ALPK1: variants seen among roughly 807,000 people sequenced by gnomAD.
ALPK1 encodes the protein alpha kinase 1, also known as alpha-protein kinase 1.
Under a neutral mutation model 120.6 loss-of-function variants are expected in ALPK1, and 110 were observed. The ratio of observed to expected loss-of-function variants is 0.91; its 90% CI spans 0.78 to 1.07. ALPK1 has a LOEUF of 1.07. Ranked by LOEUF, ALPK1 falls within the 50% of genes least tolerant of loss-of-function variation. The pLI is 0.00. For synonymous variants in ALPK1, 582 were observed against 560.3 expected (o/e 1.04, Z -0.55); for missense variants, 1,498 against 1,483.9 (o/e 1.01, Z -0.16).
intron 10 of ALPK1, among the ~76,000 whole-genome samples, 198 bp downstream of exon 10, chr4:112,429,451 A>G (rs764579143): frequency 2.0e-5 from 3 of 152,206 alleles, no homozygotes; most frequent in African/African-American, 7.2e-5. Context: ...AGCTAAATTA[A>G]TTCAGCCCAA....
In ALPK1 at chr4:112,401,510, G is replaced by A. The variant is rs190630235; in HGVS notation, c.277-10317G>A. Among the ~76,000 whole-genome samples, 269 of 152,244 alleles carry A rather than the reference G, an allele frequency of 1.8e-3. 1 individual carries two copies. Among genetic ancestry groups the A allele is most frequent in the Non-Finnish European group, 3.0e-3 (205 of 68,018 alleles). On this transcript the variant is annotated intron_variant, in intron 4 of 15. Transcript: ENST00000650871. ...CCATGAGAGTAGGTGACTAAGGTGG[G>A]GTGTAGAAGAAGATAGTTGGAGAGA... is the stretch of plus-strand genomic sequence containing the variant.
chr4:112,384,837 T>C (rs1211120100), intron 4 of ALPK1: 3 of 151,358 alleles, frequency 2.0e-5, no homozygotes, highest in Admixed American at 6.6e-5. Flanking sequence ...ACCAATCCAA[T>C]AAAAAAAAAT....
chr4:112,374,298 C>T (rs770315802), intron 2 of ALPK1, among the ~76,000 whole-genome samples: 1 of 152,194 alleles, frequency 6.6e-6, no homozygotes, highest in South Asian at 2.1e-4. Context: ...TAAGGAGCAA[C>T]GTCCCATTCA....
intron 3 of ALPK1, among the ~76,000 whole-genome samples, 161 bp downstream of exon 3, chr4:112,378,059 G>A (rs1355449790): frequency 3.3e-5 from 5 of 151,582 alleles, no homozygotes; most frequent in Admixed American, 2.0e-4. Context: ...CATGGGCTGC[G>A]GGCGGACGGG....
At chr4:112,410,586 A>C (rs933523082) in intron 4 of ALPK1, among the ~76,000 whole-genome samples, 14 of 152,364 alleles carry the variant, frequency 9.2e-5, no homozygotes, top group African/African-American at 3.4e-4. Flanking sequence ...GGCTTCATGC[A>C]TGAATAAACA....
intron 4 of ALPK1, among the ~76,000 whole-genome samples, chr4:112,390,401 G>T (rs1440584984): frequency 2.0e-5 from 3 of 152,136 alleles, no homozygotes; most frequent in Admixed American, 6.5e-5. Context: ...TGGCTATAAG[G>T]TATCACCTTT....
chr4:112,414,003 A>C (rs1033052350), intron 5 of ALPK1, among the ~76,000 whole-genome samples: 9 of 152,128 alleles, frequency 5.9e-5, no homozygotes, highest in Middle Eastern at 3.4e-3. Flanking sequence ...CGTCTACCCC[A>C]AAACATCTGG....
At chr4:112,356,193 G>A in intron 2 of ALPK1, 5 of 1,606,772 alleles carry the variant, frequency 3.1e-6, no homozygotes, top group Admixed American at 1.7e-5. Flanking sequence ...CCCTACAAAT[G>A]CCAACAGGAG....
intron 4 of ALPK1, among the ~76,000 whole-genome samples, chr4:112,411,420 T>A (rs1238693941): frequency 6.6e-6 from 1 of 152,140 alleles, no homozygotes; most frequent in Admixed American, 6.5e-5. Context: ...AGATGGGGTT[T>A]CACCATGTTG....
intron 2 of ALPK1, among the ~76,000 whole-genome samples, chr4:112,332,368 A>G (rs1729421409): frequency 6.6e-6 from 1 of 152,224 alleles, no homozygotes; most frequent in Non-Finnish European, 1.5e-5. Context: ...ATATCTCAAT[A>G]TACTCCAGAT....
intron 5 of ALPK1, among the ~76,000 whole-genome samples, chr4:112,415,800 T>TC (rs1733722488): frequency 6.6e-6 from 1 of 152,116 alleles, no homozygotes; most frequent in African/African-American, 2.4e-5. Flanking sequence ...CAGAACACCC[T>TC]CCCGGTTGGT....
At chr4:112,314,829 A>T (rs1302692830) in intron 1 of ALPK1, among the ~76,000 whole-genome samples, 1 of 149,740 alleles carries the variant, frequency 6.7e-6, no homozygotes, top group African/African-American at 2.5e-5. Flanking sequence ...TGAGAGGGTT[A>T]TAGGAGAGTT....
intron 12 of ALPK1, among the ~76,000 whole-genome samples, chr4:112,437,224 A>C (rs1264506516): frequency 6.6e-6 from 1 of 151,378 alleles, no homozygotes; most frequent in African/African-American, 2.5e-5. Flanking sequence ...GCAACAATGG[A>C]ATTCAGAGAC....
At chr4:112,357,278 G>A (rs1474619047) in intron 2 of ALPK1, 27 of 1,163,092 alleles carry the variant, frequency 2.3e-5, no homozygotes, top group Non-Finnish European at 2.6e-5. Context: ...TGGGGTGTTC[G>A]CCAACACAGC....
At chr4:112,436,150 C>A (rs2148766137) in intron 12 of ALPK1, among the ~76,000 whole-genome samples, 1 of 152,274 alleles carries the variant, frequency 6.6e-6, no homozygotes, top group South Asian at 2.1e-4. Context: ...ATAGAGAAAT[C>A]AAGTGTCTCT....
At position 112,377,903 on chromosome 4, in the gene ALPK1, G is replaced by A. The variant is rs1490053390; in HGVS notation, c.121+5G>A. 6 of 1,601,840 alleles carry A rather than the reference G, an allele frequency of 3.7e-6. No individual in the cohort carries two copies. The highest frequency in any genetic ancestry group is 5.1e-6 in the Non-Finnish European group (6 of 1,171,912). On this transcript the variant is annotated splice_donor_5th_base_variant and intron_variant, in intron 3 of 15. Coordinates refer to ENST00000650871, the MANE Select transcript of ALPK1 (RefSeq NM_025144.4). ...GCGAGGACCAGCGCTGCAGAGGTGA[G>A]GTTCTGATGGGAGGCACCAGGGGTG...
intron 14 of ALPK1, 50 bp from the exon 15 acceptor site, chr4:112,440,867 T>A: frequency 6.5e-7 from 1 of 1,543,478 alleles, no homozygotes; most frequent in Non-Finnish European, 8.7e-7. Flanking sequence ...AAACACTTGA[T>A]GGACATTTAC....
chr4:112,380,838 T>G (rs1289782305), intron 3 of ALPK1, among the ~76,000 whole-genome samples: 1 of 152,144 alleles, frequency 6.6e-6, no homozygotes. Context: ...AGCAGTCCAG[T>G]GAGAGACAGA....
intron 4 of ALPK1, among the ~76,000 whole-genome samples, chr4:112,404,468 G>A (rs889401711): frequency 2.6e-5 from 4 of 152,212 alleles, no homozygotes; most frequent in Non-Finnish European, 5.9e-5. Flanking sequence ...ATTGAGAATA[G>A]AGCAGTTAAG....
Sources: gnomAD v4.1 joint callset for allele counts (sites outside exome capture counted in the v4.1 genomes callset) on GRCh38, gnomAD v4.1.1 for gene constraint, MANE v1.5 for transcripts, NCBI Gene and HGNC (gene_info 2026-07-23, HGNC 2026-07-21) for gene names.